SBNO2: variants seen among roughly 807,000 people sequenced by gnomAD.
SBNO2 encodes the protein protein strawberry notch homolog 2.
A neutral mutation model predicts 146.3 loss-of-function variants in SBNO2; 89 were observed. The ratio of observed to expected loss-of-function variants is 0.61; its 90% CI spans 0.51 to 0.73. The LOEUF (loss-of-function observed/expected upper bound fraction) is 0.73, where lower values mean the gene tolerates loss of function less well. Among genes scored for constraint, SBNO2 ranks in the 30% least tolerant of loss-of-function variants. The probability of loss-of-function intolerance (pLI) is 0.00; values close to 1 mark genes in which losing one functional copy is unlikely to be tolerated. For missense variants in SBNO2, 2,092 were observed against 2,003.7 expected, an observed-to-expected ratio of 1.04 and a Z score of -0.84; for synonymous variants, 1,147 against 892.6, an observed-to-expected ratio of 1.29 and a Z score of -5.08.
At chr19:1,147,589 G>C (rs569006675) in intron 3 of SBNO2, among the ~76,000 whole-genome samples, 169 bp from the exon 4 acceptor site, 2 of 151,970 alleles carry the variant, frequency 1.3e-5, no homozygotes, top group South Asian at 2.1e-4. Flanking sequence ...GGCCTCCAGG[G>C]GGGTGGTGGT....
intron 4 of SBNO2, chr19:1,132,245 C>A: frequency 7.7e-7 from 1 of 1,303,954 alleles, no homozygotes; most frequent in African/African-American, 1.5e-5. Context: ...CGGACGGGGG[C>A]GGCTCTCCGC....
At chr19:1,138,798 C>CCACACCTCCAT (rs2080108772) in intron 4 of SBNO2, among the ~76,000 whole-genome samples, 1 of 151,686 alleles carries the variant, frequency 6.6e-6, no homozygotes, top group African/African-American at 2.4e-5. Flanking sequence ...GTGGGGCCCT[C>CCACACCTCCAT]CACGCCTCCA....
chr19:1,113,102 G>A (rs2079786835), intron 19 of SBNO2, among the ~76,000 whole-genome samples, 153 bp from the exon 20 acceptor site: 1 of 152,216 alleles, frequency 6.6e-6, no homozygotes. Context: ...GGGCGGGACT[G>A]CTGGACCCAG....
In SBNO2 at chr19:1,109,294, G is replaced by A. The variant is rs376424828; in HGVS notation, c.3346C>T (p.Arg1116Trp). ...AGCTGCGCCCGGCGGCCGCCTACCCGGTGGAACTTGCGGCGGAGGCTGTCC... is the reference window on the plus strand; with the variant it reads ...AGCTGCGCCCGGCGGCCGCCTACCCAGTGGAACTTGCGGCGGAGGCTGTCC... ...ALDSLRRKFH[R>W]VTAEEAKEPW... Residue 1116 changes from arginine to tryptophan, a missense_variant and splice_region_variant, in exon 29 of 32, where the codon CGG becomes TGG. Physicochemically the swap from Arg to Trp is moderately radical, Grantham distance 101. Coordinates refer to ENST00000361757, the MANE Select transcript of SBNO2 (RefSeq NM_014963.3). This position sits in a 1 kb window ranked among gnomAD's most constrained non-coding sequence, Gnocchi z 4.2. The A allele has an allele frequency of 1.6e-5, 26 of 1,593,928 alleles. No homozygotes were observed. The highest frequency in any genetic ancestry group is 3.3e-4 in the Middle Eastern group (2 of 6,046).
chr19:1,172,778 G>A (rs7508461), intron 1 of SBNO2, among the ~76,000 whole-genome samples: 1 of 36,300 alleles, frequency 2.8e-5, no homozygotes, highest in African/African-American at 1.8e-4. Flanking sequence ...CACTGCAACC[G>A]CCCCCCCCGC....
rs547966879 is a variant in SBNO2 at position 1,133,649 on chromosome 19, C to T, written c.280-5884G>A. Among the ~76,000 whole-genome samples the T allele has an allele frequency of 7.9e-5, 12 of 152,326 alleles. No homozygotes were observed. The East Asian group carries it at 1.9e-3, about 25-fold the overall frequency. On this transcript the variant is annotated intron_variant, in intron 4 of 31. Transcript: ENST00000361757. ...GGGCCCGCCTGCCAGGCACCCCGCC[C>T]GCCAATGGAAAACAACCAATGGGGA...
At chr19:1,163,374 G>A (rs2080368734) in intron 1 of SBNO2, among the ~76,000 whole-genome samples, 1 of 152,176 alleles carries the variant, frequency 6.6e-6, no homozygotes, top group Non-Finnish European at 1.5e-5. Context: ...GGGCAGGAAG[G>A]GTCCTCCCCT....
rs2079768154 is a variant in SBNO2, at chr19:1,111,996, C to T, written c.2700G>A (p.Lys900=). The T allele has an allele frequency of 1.9e-6, 3 of 1,611,808 alleles. No homozygotes were observed. The highest frequency in any genetic ancestry group is 2.5e-6 in the Non-Finnish European group (3 of 1,179,654). The change falls in exon 23 of 32, where the codon AAG becomes AAA. Residue 900 remains lysine, a splice_region_variant and synonymous_variant. Coordinates refer to ENST00000361757, the MANE Select transcript of SBNO2 (RefSeq NM_014963.3). ...RDLSKYNFEN[K]YGTRALHCVL... Reference sequence around the variant, plus strand: ...CCCAACCCTGCCTTCCCTGCAGTACCTTGTTCTCAAAGTTGTACTTGCTGA... The same window carrying T: ...CCCAACCCTGCCTTCCCTGCAGTACTTTGTTCTCAAAGTTGTACTTGCTGA...
At chr19:1,152,073 C>T (rs532597826) in intron 2 of SBNO2, among the ~76,000 whole-genome samples, 2 of 152,308 alleles carry the variant, frequency 1.3e-5, no homozygotes, top group South Asian at 2.1e-4. Flanking sequence ...CCGAATGTGA[C>T]GGAACCCGGA....
chr19:1,140,521 G>C lies in SBNO2; in HGVS notation c.279+6788C>G, dbSNP rs904138980. 2.8e-4 allele frequency among the ~76,000 whole-genome samples: 43 copies of C among 152,112 alleles called. No individual in the cohort carries two copies. The highest frequency in any genetic ancestry group is 1.6e-3 in the Admixed American group (24 of 15,284). ...CAGGGTGGCTGGAGGGCCGGGCAAG[G>C]CACACACGTGACACCGCGGGAGCCC... On this transcript the variant is annotated intron_variant, in intron 4 of 31. Coordinates refer to ENST00000361757, the MANE Select transcript of SBNO2 (RefSeq NM_014963.3). This position sits in a 1 kb window ranked among gnomAD's most constrained non-coding sequence, Gnocchi z 4.4.
In SBNO2 at chr19:1,109,848, T is replaced by G; in HGVS notation, c.3029-71A>C. The G allele has an allele frequency of 8.4e-7, 1 of 1,184,096 alleles. No homozygotes were observed. The highest frequency in any genetic ancestry group is 1.2e-6 in the Non-Finnish European group (1 of 834,756). 73.3% of individuals were successfully genotyped at this position (1,184,096 alleles called of 1,614,324 possible). ...TGGGCTGGGGCCAGGGTCAGTCCCGTAGCCGGGGCGCACCCTAGAGACGAC... is the reference window on the plus strand; with the variant it reads ...TGGGCTGGGGCCAGGGTCAGTCCCGGAGCCGGGGCGCACCCTAGAGACGAC... On this transcript the variant is annotated intron_variant, in intron 26 of 31. Coordinates refer to ENST00000361757, the MANE Select transcript of SBNO2 (RefSeq NM_014963.3). The surrounding 1 kb of genome is among the most constrained non-coding windows in gnomAD (Gnocchi z 4.2).
intron 1 of SBNO2, among the ~76,000 whole-genome samples, chr19:1,170,028 G>C (rs368713394): frequency 6.1e-4 from 93 of 152,314 alleles, no homozygotes; most frequent in African/African-American, 2.2e-3. Flanking sequence ...TCTGTGGACT[G>C]CCCTGCTCTG....
chr19:1,157,096 C>T lies in SBNO2; in HGVS notation c.-126-2694G>A, dbSNP rs920197697. ...CCCTCCCGCAGCCCCCAGCCCCTAG[C>T]CCTGCCTGCAGACTCGGTCCTGTCC... On this transcript the variant is annotated intron_variant, in intron 1 of 31. Transcript: ENST00000361757. This position sits in a 1 kb window ranked among gnomAD's most constrained non-coding sequence, Gnocchi z 6.8. Among the ~76,000 whole-genome samples, 5 of 152,010 alleles carry T rather than the reference C, an allele frequency of 3.3e-5. No individual in the cohort carries two copies. The highest frequency in any genetic ancestry group is 1.2e-4 in the African/African-American group (5 of 41,392).
chr19:1,112,083 AG>A lies in SBNO2; in HGVS notation c.2629-17del. The A allele has an allele frequency of 1.2e-6, 2 of 1,611,620 alleles. No homozygotes were observed. Among genetic ancestry groups the A allele is most frequent in the Non-Finnish European group, 1.7e-6 (2 of 1,179,472 alleles). On this transcript the variant is annotated splice_polypyrimidine_tract_variant and intron_variant, in intron 22 of 31. Transcript: ENST00000361757. The surrounding 1 kb of genome is among the most constrained non-coding windows in gnomAD (Gnocchi z 5.9). ...TCAGGGCCCCCTGCCAGGGGTGGGG[AG>A]GCCATCAGTTGGTCACCTGGGGTCT...
At chr19:1,127,562 G>A (rs1412433063) in intron 5 of SBNO2, 42 bp downstream of exon 5, 6 of 1,595,294 alleles carry the variant, frequency 3.8e-6, no homozygotes, top group African/African-American at 1.3e-5. Flanking sequence ...GGGAGGCCAC[G>A]CTGGTGGGTC....
At chr19:1,142,715 G>A (rs1010793471) in intron 4 of SBNO2, among the ~76,000 whole-genome samples, 2 of 151,880 alleles carry the variant, frequency 1.3e-5, no homozygotes, top group African/African-American at 4.8e-5. Context: ...GCTCATGCCT[G>A]TAATCCCAGC....
Position 1,110,256 on chromosome 19 carries a change from G to C in SBNO2, c.3029-479C>G, listed in dbSNP as rs932019009. Among the ~76,000 whole-genome samples, 1 of 152,174 alleles carries C rather than the reference G, an allele frequency of 6.6e-6. No homozygotes were observed. The highest frequency in any genetic ancestry group is 1.5e-5 in the Non-Finnish European group (1 of 68,010). On this transcript the variant is annotated intron_variant, in intron 26 of 31. Coordinates refer to ENST00000361757, the MANE Select transcript of SBNO2 (RefSeq NM_014963.3). The surrounding 1 kb of genome is among the most constrained non-coding windows in gnomAD (Gnocchi z 4.9). ...CCGACCCTCATCTGGACACAGGGAA[G>C]TGGTCCTGATGGACAGGCCTGGCCC...
At position 1,150,161 on chromosome 19, in the gene SBNO2, G is replaced by A. The variant is rs868742277; in HGVS notation, c.94-719C>T. Among the ~76,000 whole-genome samples, 1 of 152,140 alleles carries A rather than the reference G, an allele frequency of 6.6e-6. No homozygotes were observed. Among genetic ancestry groups the A allele is most frequent in the Non-Finnish European group, 1.5e-5 (1 of 68,012 alleles). On this transcript the variant is annotated intron_variant, in intron 2 of 31. Transcript: ENST00000361757. The surrounding 1 kb of genome is among the most constrained non-coding windows in gnomAD (Gnocchi z 6.2). The stretch of plus-strand genomic sequence containing the variant: ...CAGGCTTACCCAACACCCTCGCCAG[G>A]AGCCGATGTCCCCACCCCATGGTTC...
intron 16 of SBNO2, 44 bp downstream of exon 16, chr19:1,116,785 T>C (rs2079836825): frequency 2.7e-6 from 4 of 1,498,498 alleles, no homozygotes; most frequent in East Asian, 2.5e-5. Context: ...GGGGTGGCCA[T>C]GAGCGCAGGA....
Sources: allele counts gnomAD v4.1 joint callset (sites outside exome capture counted in the v4.1 genomes callset), GRCh38; gene constraint gnomAD v4.1.1; non-coding constraint Gnocchi (gnomAD v3.1); transcripts MANE v1.5; gene names NCBI Gene and HGNC (gene_info 2026-07-23, HGNC 2026-07-21).